The following CCDC7 variants were observed in gnomAD, a reference collection of about 807,000 sequenced individuals.
CCDC7 encodes the protein coiled-coil domain-containing protein 7.
In CCDC7, 183 loss-of-function variants were observed where a neutral mutation model predicts 196.9. The observed-to-expected ratio is 0.93, with a 90% confidence interval of 0.82 to 1.05. The LOEUF (loss-of-function observed/expected upper bound fraction) is 1.05. Ranked by LOEUF, CCDC7 falls within the 50% of genes least tolerant of loss-of-function variation. The pLI, the probability that CCDC7 is intolerant of heterozygous loss-of-function variation, is 0.00. For missense variants in CCDC7, 1,540 were observed against 1,482.2 expected (o/e 1.04, Z -0.64); for synonymous variants, 525 against 484.6 (o/e 1.08, Z -1.10).
intron 33 of CCDC7, among the ~76,000 whole-genome samples, chr10:32,835,322 C>T (rs992882380): frequency 1.3e-5 from 2 of 152,036 alleles, no homozygotes; most frequent in African/African-American, 4.8e-5. Context: ...AATCTGTGTG[C>T]TCATGTGTTA....
intron 13 of CCDC7, among the ~76,000 whole-genome samples, chr10:32,561,771 G>A (rs1427497770): frequency 6.6e-6 from 1 of 152,158 alleles, no homozygotes; most frequent in African/African-American, 2.4e-5. Flanking sequence ...ACATTCAAAA[G>A]CTAGCAGAAG....
intron 5 of CCDC7, among the ~76,000 whole-genome samples, chr10:32,463,994 T>C (rs2036251745): frequency 6.6e-6 from 1 of 152,216 alleles, no homozygotes; most frequent in Admixed American, 6.5e-5. Context: ...CTTTGCAACT[T>C]TGGAAATTCA....
At chr10:32,740,731 A>G (rs1298701751) in intron 28 of CCDC7, among the ~76,000 whole-genome samples, 6 of 152,176 alleles carry the variant, frequency 3.9e-5, no homozygotes, top group African/African-American at 1.2e-4. Flanking sequence ...GGTGGCTCCA[A>G]GTTCTTAGTT....
intron 28 of CCDC7, among the ~76,000 whole-genome samples, chr10:32,765,506 G>C (rs1289292303): frequency 6.6e-6 from 1 of 151,934 alleles, no homozygotes; most frequent in East Asian, 1.9e-4. Context: ...TTTTCACATT[G>C]GTTTCCTGAC....
intron 21 of CCDC7, among the ~76,000 whole-genome samples, chr10:32,671,560 T>C (rs527841555): frequency 1.3e-5 from 2 of 152,330 alleles, no homozygotes; most frequent in African/African-American, 4.8e-5. Context: ...TTGAATTTTT[T>C]ATGAGGCAGT....
intron 9 of CCDC7, among the ~76,000 whole-genome samples, chr10:32,506,747 C>CGGGCCAAGGCAGGAGAATCACGGG (rs375967667): frequency 0.051 from 7,744 of 151,540 alleles, 659 homozygotes; most frequent in African/African-American, 0.18. Flanking sequence ...AGGCACTCGG[C>CGGGCCAAGGCAGGAGAATCACGGG]GGGCCAAGGC....
chr10:32,634,286 G>C, exon 19 of CCDC7: 1 of 1,218,398 alleles, frequency 8.2e-7, no homozygotes, highest in Non-Finnish European at 1.0e-6. Flanking sequence ...AAATCTTATG[G>C]TTGAAAATAA....
intron 41 of CCDC7, among the ~76,000 whole-genome samples, chr10:32,874,806 TCAC>T (rs1199290188): frequency 2.1e-5 from 3 of 139,888 alleles, no homozygotes; most frequent in African/African-American, 5.0e-5. Context: ...ATATATATAC[TCAC>T]CACATTTTCT....
At chr10:32,465,493 C>T (rs1299190269) in intron 5 of CCDC7, among the ~76,000 whole-genome samples, 1 of 149,344 alleles carries the variant, frequency 6.7e-6, no homozygotes, top group Non-Finnish European at 1.5e-5. Context: ...ATCGTGCCCT[C>T]ATTTTTGAAA....
intron 21 of CCDC7, among the ~76,000 whole-genome samples, chr10:32,682,801 A>G (rs182416221): frequency 4.9e-4 from 75 of 152,234 alleles, no homozygotes; most frequent in African/African-American, 1.6e-3. Context: ...TTCTTTTGAT[A>G]AGTGTCTGTT....
rs1315156288 is a variant in CCDC7 at position 32,850,818 on chromosome 10, CAG to C, written c.3896-985_3896-984del. Among the ~76,000 whole-genome samples, 100 of 124,480 alleles carry C rather than the reference CAG, an allele frequency of 8.0e-4. 1 individual carries two copies. Among genetic ancestry groups the C allele is most frequent in the East Asian group, 5.4e-3 (18 of 3,312 alleles). The allele number at this position is 124,480 out of a possible 152,430, so 81.7% of individuals were successfully genotyped here. ...ACACACACACACACACACACACACA[CAG>C]AGACATGCAATGTAACAGTGGTGAG... On this transcript the variant is annotated intron_variant, in intron 39 of 41. Coordinates refer to ENST00000639629, the Ensembl canonical transcript of CCDC7.
intron 33 of CCDC7, among the ~76,000 whole-genome samples, chr10:32,843,894 T>C (rs958644278): frequency 1.3e-5 from 2 of 152,000 alleles, no homozygotes; most frequent in African/African-American, 4.8e-5. Flanking sequence ...CGGTTCATTT[T>C]GGTAATGATG....
intron 41 of CCDC7, among the ~76,000 whole-genome samples, chr10:32,874,238 T>C (rs2094526589): frequency 6.6e-6 from 1 of 150,424 alleles, no homozygotes; most frequent in Non-Finnish European, 1.5e-5. Context: ...GTATATTTAT[T>C]ATTATTTATT....
At chr10:32,750,270 T>C (rs1032694454) in intron 28 of CCDC7, among the ~76,000 whole-genome samples, 1 of 152,158 alleles carries the variant, frequency 6.6e-6, no homozygotes, top group Non-Finnish European at 1.5e-5. Flanking sequence ...TAGTTATGGG[T>C]ATATAAGTCA....
chr10:32,531,457 T>G (rs2049645924), intron 11 of CCDC7, among the ~76,000 whole-genome samples: 1 of 152,106 alleles, frequency 6.6e-6, no homozygotes, highest in African/African-American at 2.4e-5. Context: ...TTGAATGTGG[T>G]TTGTATTTTG....
At position 32,571,846 on chromosome 10, in the gene CCDC7, A is replaced by G. The variant is rs1000542049; in HGVS notation, c.1420-13A>G. The G allele has an allele frequency of 3.2e-6, 5 of 1,548,472 alleles. No individual in the cohort carries two copies. Among genetic ancestry groups the G allele is most frequent in the Non-Finnish European group, 4.3e-6 (5 of 1,153,634 alleles). On this transcript the variant is annotated splice_polypyrimidine_tract_variant and intron_variant, in intron 15 of 41. Coordinates refer to ENST00000639629, the Ensembl canonical transcript of CCDC7. ...ACTTGATATTTTTAAATGTAGTATTATCTTTATCACAGATCACTGCCCAAA... is the reference window on the plus strand; with the variant it reads ...ACTTGATATTTTTAAATGTAGTATTGTCTTTATCACAGATCACTGCCCAAA...
chr10:32,598,401 G>C (rs1201932232), intron 18 of CCDC7, among the ~76,000 whole-genome samples: 2 of 152,192 alleles, frequency 1.3e-5, no homozygotes, highest in African/African-American at 4.8e-5. Context: ...GGTACCATCT[G>C]TCATGGCTTC....
intron 33 of CCDC7, among the ~76,000 whole-genome samples, chr10:32,836,941 T>C (rs1342620742): frequency 6.6e-6 from 1 of 152,148 alleles, no homozygotes; most frequent in Non-Finnish European, 1.5e-5. Context: ...GATTAAAGAC[T>C]TACATGGTAG....
In CCDC7 at chr10:32,738,774, T is replaced by A. The variant is rs139368763; in HGVS notation, c.2905+9317T>A. ...CAGGCAAGAGCCACCATTCCTGGAG[T>A]TTTTTACTTTTATTCCTTGTCTAAT... is the stretch of plus-strand genomic sequence containing the variant. On this transcript the variant is annotated intron_variant, in intron 28 of 41. Coordinates refer to ENST00000639629, the Ensembl canonical transcript of CCDC7. Among the ~76,000 whole-genome samples, 1,046 of 151,878 alleles carry A rather than the reference T, an allele frequency of 6.9e-3. 13 individuals are homozygous for A. Among genetic ancestry groups the A allele is most frequent in the African/African-American group, 0.024 (999 of 41,446 alleles).
Sources: allele counts gnomAD v4.1 joint callset (sites outside exome capture counted in the v4.1 genomes callset), GRCh38; gene constraint gnomAD v4.1.1; transcripts MANE v1.5; gene names NCBI Gene and HGNC (gene_info 2026-07-23, HGNC 2026-07-21).